Variants in TTC7B observed in about 807,000 individuals in gnomAD.
TTC7B encodes the protein tetratricopeptide repeat domain 7B.
A neutral mutation model predicts 106.8 loss-of-function variants in TTC7B; 28 were observed. The observed-to-expected ratio is 0.26, with a 90% confidence interval of 0.19 to 0.36. The LOEUF is 0.36. Among genes scored for constraint, TTC7B ranks in the 10% least tolerant of loss-of-function variants. TTC7B has a pLI of 1.00. For missense variants in TTC7B, 862 were observed against 1,076.4 expected, an observed-to-expected ratio of 0.80 and a Z score of 2.79; for synonymous variants, 405 against 430.6, an observed-to-expected ratio of 0.94 and a Z score of 0.74.
In TTC7B at chr14:90,654,982, A is replaced by T. The variant is rs1209141909; in HGVS notation, c.1459+11T>A. 2 of 1,598,644 alleles carry T rather than the reference A, an allele frequency of 1.3e-6. No homozygotes were observed. Among genetic ancestry groups the T allele is most frequent in the Admixed American group, 3.3e-5 (2 of 59,990 alleles). On this transcript the variant is annotated intron_variant, in intron 12 of 19. Transcript: ENST00000328459. ...GCAGCTCAGCAGCTGTGGGGGTGGG[A>T]CGTCTCTCACCGTCAGTGGCCTGCA...
chr14:90,791,199 G>A (rs560489234), intron 1 of TTC7B, among the ~76,000 whole-genome samples: 1 of 152,218 alleles, frequency 6.6e-6, no homozygotes, highest in African/African-American at 2.4e-5. Flanking sequence ...AATATTCCAA[G>A]CGCTGCAGAC....
At position 90,676,717 on chromosome 14, in the gene TTC7B, G is replaced by C. The variant is rs996624009; in HGVS notation, c.1015-57C>G. 5 of 1,588,310 alleles carry C rather than the reference G, an allele frequency of 3.1e-6. No individual in the cohort carries two copies. The African/African-American group carries it at 6.7e-5, about 21-fold the overall frequency. ...AGAGAGAACCTAGTGCTGCATGGCG[G>C]GGAGTCCACCTAGGCCCTCCTGCCC... is the stretch of plus-strand genomic sequence containing the variant. On this transcript the variant is annotated intron_variant, in intron 8 of 19. Coordinates refer to ENST00000328459, the MANE Select transcript of TTC7B (RefSeq NM_001010854.2).
chr14:90,677,724 CCA>C (rs1433901578), intron 8 of TTC7B: 17 of 417,946 alleles, frequency 4.1e-5, no homozygotes, highest in Admixed American at 8.3e-5. Flanking sequence ...TTCAGAAAGG[CCA>C]CACACACACC....
At chr14:90,756,310 C>T (rs143804878) in intron 3 of TTC7B, among the ~76,000 whole-genome samples, 58 of 151,452 alleles carry the variant, frequency 3.8e-4, no homozygotes, top group African/African-American at 1.4e-3. Flanking sequence ...CTTAAGAAAT[C>T]TCTTTGTCCT....
intron 9 of TTC7B, among the ~76,000 whole-genome samples, chr14:90,659,307 G>A (rs188062557): frequency 4.0e-4 from 60 of 151,864 alleles, no homozygotes; most frequent in Non-Finnish European, 2.7e-4. Context: ...TTTTTTTTAG[G>A]AGAAAGGGAG....
At chr14:90,718,758 TC>T in intron 5 of TTC7B, among the ~76,000 whole-genome samples, 1 of 151,620 alleles carries the variant, frequency 6.6e-6, no homozygotes, top group Admixed American at 6.6e-5. Flanking sequence ...GAAAAGTACA[TC>T]CATTTATTCA....
intron 1 of TTC7B, among the ~76,000 whole-genome samples, chr14:90,787,090 C>T (rs1398491970): frequency 2.0e-5 from 3 of 152,194 alleles, no homozygotes; most frequent in Non-Finnish European, 4.4e-5. Context: ...TAAGATGAGT[C>T]TGTGTCAAAA....
At chr14:90,571,266 A>T (rs1242985688) in intron 19 of TTC7B, among the ~76,000 whole-genome samples, 1 of 152,258 alleles carries the variant, frequency 6.6e-6, no homozygotes, top group Non-Finnish European at 1.5e-5. Context: ...AAAACTATCA[A>T]GCAGCTATCG....
At chr14:90,687,727 C>T (rs1012294262) in intron 7 of TTC7B, among the ~76,000 whole-genome samples, 5 of 152,150 alleles carry the variant, frequency 3.3e-5, no homozygotes, top group Non-Finnish European at 7.3e-5. Context: ...CAGATAAGGA[C>T]TAAAGAGTAA....
Position 90,663,341 on chromosome 14 carries a change from A to G in TTC7B, c.1153-4954T>C, listed in dbSNP as rs1280760919. On this transcript the variant is annotated intron_variant, in intron 9 of 19. Transcript: ENST00000328459. The surrounding 1 kb of genome is among the most constrained non-coding windows in gnomAD (Gnocchi z 4.5). Reference sequence around the variant, plus strand: ...ACTTTAATTATATTGTGCCACTCACACTTCATTTATCAGGCCCACTCATGC... The same window carrying G: ...ACTTTAATTATATTGTGCCACTCACGCTTCATTTATCAGGCCCACTCATGC... Among the ~76,000 whole-genome samples the G allele has an allele frequency of 1.3e-5, 2 of 152,144 alleles. No homozygotes were observed. The highest frequency in any genetic ancestry group is 1.3e-4 in the Admixed American group (2 of 15,278).
chr14:90,659,131 C>T (rs1490514747), intron 9 of TTC7B, among the ~76,000 whole-genome samples: 1 of 152,142 alleles, frequency 6.6e-6, no homozygotes, highest in Admixed American at 6.5e-5. Context: ...TGGGGAGGCA[C>T]AGGAGGTGCC....
chr14:90,616,195 TC>T (rs1893065231), intron 16 of TTC7B, among the ~76,000 whole-genome samples: 1 of 152,136 alleles, frequency 6.6e-6, no homozygotes, highest in African/African-American at 2.4e-5. Context: ...AGGAAAGCGC[TC>T]CGGCGCCGAG....
chr14:90,736,928 A>G (rs1393165101), intron 4 of TTC7B, among the ~76,000 whole-genome samples: 3 of 150,624 alleles, frequency 2.0e-5, no homozygotes, highest in Non-Finnish European at 4.4e-5. Context: ...ATATATACGT[A>G]TATACACACA....
intron 4 of TTC7B, among the ~76,000 whole-genome samples, chr14:90,733,630 AG>A (rs2139992029): frequency 6.6e-6 from 1 of 152,318 alleles, no homozygotes; most frequent in East Asian, 1.9e-4. Context: ...ACTTCCAGCG[AG>A]GAGACTGCCA....
chr14:90,730,013 A>G (rs1466842136), intron 5 of TTC7B, 62 bp downstream of exon 5: 12 of 1,518,432 alleles, frequency 7.9e-6, no homozygotes, highest in Non-Finnish European at 9.7e-6. Flanking sequence ...TGGAGACAGC[A>G]TTGTAAGGCT....
chr14:90,589,978 T>C (rs1328399356), intron 18 of TTC7B, among the ~76,000 whole-genome samples: 2 of 152,174 alleles, frequency 1.3e-5, no homozygotes, highest in Non-Finnish European at 2.9e-5. Context: ...GGTGCTGATG[T>C]GCACTGACCT....
chr14:90,774,258 G>C (rs374198435), intron 3 of TTC7B, among the ~76,000 whole-genome samples: 1 of 152,336 alleles, frequency 6.6e-6, no homozygotes, highest in African/African-American at 2.4e-5. Context: ...AGCAACAAGA[G>C]GGGAGGGGAA....
At chr14:90,703,136 G>C (rs1286181200) in intron 5 of TTC7B, among the ~76,000 whole-genome samples, 1 of 152,180 alleles carries the variant, frequency 6.6e-6, no homozygotes, top group Non-Finnish European at 1.5e-5. Context: ...CAAGCATGAG[G>C]GCGGGGTCCC....
chr14:90,627,268 G>T (rs1242784177), intron 15 of TTC7B, among the ~76,000 whole-genome samples: 3 of 152,140 alleles, frequency 2.0e-5, no homozygotes, highest in Non-Finnish European at 2.9e-5. Context: ...TTACAGGTGT[G>T]AGCCACTGCA....
Sources: allele counts gnomAD v4.1 joint callset (sites outside exome capture counted in the v4.1 genomes callset), GRCh38; gene constraint gnomAD v4.1.1; non-coding constraint Gnocchi (gnomAD v3.1); transcripts MANE v1.5; gene names NCBI Gene and HGNC (gene_info 2026-07-23, HGNC 2026-07-21).